Variants in MAF observed in about 807,000 individuals in gnomAD.
MAF encodes MAF bZIP transcription factor.
Under a neutral mutation model 22.0 loss-of-function variants are expected in MAF, and 10 were observed. The ratio of observed to expected loss-of-function variants is 0.45; its 90% CI spans 0.28 to 0.77. The LOEUF (loss-of-function observed/expected upper bound fraction) is 0.77, where lower values mean the gene tolerates loss of function less well. Among genes scored for constraint, MAF ranks in the 30% least tolerant of loss-of-function variants. MAF has a pLI of 0.12. For missense variants in MAF, 544 were observed against 548.4 expected (o/e 0.99, Z 0.08); for synonymous variants, 337 against 255.8 (o/e 1.32, Z -3.03).
the MAF span, among the ~76,000 whole-genome samples, chr16:79,517,749 AT>A: frequency 6.6e-6 from 1 of 151,868 alleles, no homozygotes; most frequent in Admixed American, 6.6e-5. Context: ...TAATTTTTGT[AT>A]TTTTAGTAGA....
intron 1 of MAF, chr16:79,596,536 T>C: frequency 9.5e-7 from 1 of 1,049,140 alleles, no homozygotes; most frequent in Non-Finnish European, 1.2e-6. Context: ...TAACCAGAAT[T>C]GAAAATGAAA....
At chr16:79,342,410 T>C in the MAF span, among the ~76,000 whole-genome samples, 1 of 152,230 alleles carries the variant, frequency 6.6e-6, no homozygotes. Flanking sequence ...GGGGCTTGAA[T>C]CTTGGACCCC....
chr16:79,333,801 C>T, the MAF span, among the ~76,000 whole-genome samples: 1 of 151,226 alleles, frequency 6.6e-6, no homozygotes, highest in Admixed American at 6.6e-5. Context: ...ATGCTGGATC[C>T]CAGCATCTCA....
At chr16:79,228,427 G>T in the MAF span, among the ~76,000 whole-genome samples, 2 of 152,012 alleles carry the variant, frequency 1.3e-5, no homozygotes, top group Non-Finnish European at 2.9e-5. Flanking sequence ...GGCTTCACTA[G>T]ATCCTGCTCT....
chr16:79,363,091 G>A, the MAF span, among the ~76,000 whole-genome samples: 2 of 151,970 alleles, frequency 1.3e-5, no homozygotes, highest in Admixed American at 6.6e-5. Flanking sequence ...GAACATGCAG[G>A]GAAGAAGAGG....
chr16:79,359,321 A>G, the MAF span, among the ~76,000 whole-genome samples: 1 of 152,214 alleles, frequency 6.6e-6, no homozygotes, highest in Non-Finnish European at 1.5e-5. Flanking sequence ...AGTAGCTTTT[A>G]CAGAGGCGTT....
chr16:79,258,239 G>A, the MAF span, among the ~76,000 whole-genome samples: 61 of 152,266 alleles, frequency 4.0e-4, no homozygotes, highest in Non-Finnish European at 6.9e-4. Context: ...ACCACAGTCC[G>A]GAAGTGCATG....
chr16:79,577,672 G>C, the MAF span, among the ~76,000 whole-genome samples: 3 of 152,182 alleles, frequency 2.0e-5, no homozygotes, highest in African/African-American at 7.2e-5. Flanking sequence ...CAAGTGATCA[G>C]AAGAAATGCT....
At chr16:79,469,506 TGAA>T in the MAF span, among the ~76,000 whole-genome samples, 1 of 152,328 alleles carries the variant, frequency 6.6e-6, no homozygotes, top group South Asian at 2.1e-4. Context: ...TTGAACAGTA[TGAA>T]GATGAAACAA....
chr16:79,493,880 C>G, the MAF span, among the ~76,000 whole-genome samples: 3 of 151,102 alleles, frequency 2.0e-5, no homozygotes, highest in African/African-American at 7.3e-5. Context: ...AGTCTCTATT[C>G]TTGGTGGATG....
At chr16:79,553,732 G>C in the MAF span, among the ~76,000 whole-genome samples, 3 of 152,104 alleles carry the variant, frequency 2.0e-5, no homozygotes. Flanking sequence ...AAAACATCAC[G>C]GTTCTACAGT....
the MAF span, among the ~76,000 whole-genome samples, chr16:79,445,869 C>G: frequency 6.6e-6 from 1 of 152,174 alleles, no homozygotes; most frequent in Non-Finnish European, 1.5e-5. Context: ...CCTGATAAGA[C>G]ACTAATGCAT....
the MAF span, among the ~76,000 whole-genome samples, chr16:79,403,806 G>A: frequency 2.0e-5 from 3 of 152,286 alleles, no homozygotes; most frequent in East Asian, 3.9e-4. Flanking sequence ...AACAACCAAA[G>A]GTCACCAACG....
the MAF span, among the ~76,000 whole-genome samples, chr16:79,489,096 C>T: frequency 6.6e-6 from 1 of 152,114 alleles, no homozygotes; most frequent in Non-Finnish European, 1.5e-5. Flanking sequence ...TCTCTCTACC[C>T]ATCCATCCAT....
At chr16:79,228,130 T>C in the MAF span, among the ~76,000 whole-genome samples, 2 of 152,092 alleles carry the variant, frequency 1.3e-5, no homozygotes, top group African/African-American at 2.4e-5. Flanking sequence ...CTCCAACTCC[T>C]AGCCTCAAGT....
chr16:79,385,472 G>A, the MAF span, among the ~76,000 whole-genome samples: 3 of 152,330 alleles, frequency 2.0e-5, no homozygotes, highest in South Asian at 4.1e-4. Context: ...TGAGGAAAGG[G>A]TTGAAAGCGA....
chr16:79,353,283 C>G, the MAF span, among the ~76,000 whole-genome samples: 1 of 152,110 alleles, frequency 6.6e-6, no homozygotes, highest in Non-Finnish European at 1.5e-5. Context: ...GGCCTACAAC[C>G]ACACCTAGCT....
At chr16:79,293,867 GAGAA>G in the MAF span, among the ~76,000 whole-genome samples, 2 of 149,626 alleles carry the variant, frequency 1.3e-5, no homozygotes, top group African/African-American at 2.5e-5. Flanking sequence ...GAGAGAGAGA[GAGAA>G]AGAGAGGAGA....
the MAF span, among the ~76,000 whole-genome samples, chr16:79,289,840 ATGTT>A: frequency 5.3e-5 from 6 of 114,232 alleles, no homozygotes; most frequent in African/African-American, 1.3e-4. Flanking sequence ...AAAAGGCAGG[ATGTT>A]TGTTTGTGTA....
Sources: gnomAD v4.1 joint callset for allele counts (sites outside exome capture counted in the v4.1 genomes callset) on GRCh38, gnomAD v4.1.1 for gene constraint, MANE v1.5 for transcripts, NCBI Gene and HGNC (gene_info 2026-07-23, HGNC 2026-07-21) for gene names.